Variants in ANXA13 observed in about 807,000 individuals in gnomAD.
ANXA13 encodes the protein annexin A13.
A neutral mutation model predicts 46.6 loss-of-function variants in ANXA13; 36 were observed. The ratio of observed to expected loss-of-function variants is 0.77; its 90% CI spans 0.59 to 1.02. The LOEUF is 1.02. Ranked by LOEUF, ANXA13 falls within the 50% of genes least tolerant of loss-of-function variation. ANXA13 has a pLI of 0.00. For synonymous variants in ANXA13, 163 were observed against 152.9 expected, an observed-to-expected ratio of 1.07 and a Z score of -0.49; for missense variants, 417 against 396.5, an observed-to-expected ratio of 1.05 and a Z score of -0.44.
intron 1 of ANXA13, among the ~76,000 whole-genome samples, chr8:123,713,726 C>G (rs993453121): frequency 9.9e-5 from 15 of 152,180 alleles, no homozygotes; most frequent in African/African-American, 3.6e-4. Flanking sequence ...CACAGTCTCT[C>G]TCTGTCAACC....
chr8:123,704,594 A>G (rs1028673617), intron 2 of ANXA13, among the ~76,000 whole-genome samples: 5 of 152,058 alleles, frequency 3.3e-5, no homozygotes, highest in Admixed American at 3.3e-4. Flanking sequence ...ATGGGGTTTC[A>G]CCATGTTGGT....
intron 9 of ANXA13, among the ~76,000 whole-genome samples, chr8:123,686,239 G>A (rs761745792): frequency 5.3e-4 from 80 of 152,092 alleles, no homozygotes; most frequent in African/African-American, 1.4e-3. Context: ...TTGGGAGGCC[G>A]AGGTGGGTGG....
At position 123,688,941 on chromosome 8, in the gene ANXA13, A is replaced by T; in HGVS notation, c.648T>A (p.Ile216=). The change falls in exon 9 of 11, where the codon ATT becomes ATA. Residue 216 remains isoleucine, a synonymous_variant. Coordinates refer to ENST00000419625, the MANE Select transcript of ANXA13 (RefSeq NM_004306.4). ...CAATGGCTTCTTCTATGTCTTTGCC[A>T]ATGAGCTGCAGCGAAAACCAAAATC... ...RATFQAYQIL[I]GKDIEEAIEE... is the part of the protein sequence containing the mutation. The T allele has an allele frequency of 6.2e-7, 1 of 1,613,680 alleles. No homozygotes were observed. The highest frequency in any genetic ancestry group is 8.5e-7 in the Non-Finnish European group (1 of 1,179,750).
At chr8:123,720,743 A>G (rs554956280) in intron 1 of ANXA13, among the ~76,000 whole-genome samples, 6 of 151,014 alleles carry the variant, frequency 4.0e-5, no homozygotes, top group Admixed American at 3.3e-4. Context: ...AACAAATAAT[A>G]CTTTATATTT....
chr8:123,684,557 G>A, intron 10 of ANXA13, 53 bp downstream of exon 10: 2 of 1,225,426 alleles, frequency 1.6e-6, no homozygotes, highest in Non-Finnish European at 1.2e-6. Flanking sequence ...TGACATCAGT[G>A]GTGGAAAAAA....
chr8:123,715,865 C>T (rs1813750451), intron 1 of ANXA13, among the ~76,000 whole-genome samples: 1 of 152,172 alleles, frequency 6.6e-6, no homozygotes. Context: ...CATCCCCTTC[C>T]CGTTTTAGGG....
chr8:123,699,063 A>G (rs538305525), intron 3 of ANXA13, among the ~76,000 whole-genome samples: 1 of 152,364 alleles, frequency 6.6e-6, no homozygotes, highest in South Asian at 2.1e-4. Flanking sequence ...GAGGATTGTC[A>G]TGGGAAGAAC....
chr8:123,706,261 A>T (rs1217262745), intron 2 of ANXA13, among the ~76,000 whole-genome samples: 3 of 152,120 alleles, frequency 2.0e-5, no homozygotes, highest in African/African-American at 4.8e-5. Context: ...AAAACTTCGG[A>T]GTGTCAGAAA....
chr8:123,725,549 A>G (rs1180421707), intron 1 of ANXA13, among the ~76,000 whole-genome samples: 1 of 152,214 alleles, frequency 6.6e-6, no homozygotes, highest in Non-Finnish European at 1.5e-5. Flanking sequence ...TTCCACAGAC[A>G]TGGTTAGTAG....
chr8:123,694,338 C>T (rs542066332), intron 6 of ANXA13, among the ~76,000 whole-genome samples: 1 of 152,270 alleles, frequency 6.6e-6, no homozygotes, highest in South Asian at 2.1e-4. Context: ...TTCAGGTCTC[C>T]AATCAGCTGA....
intron 1 of ANXA13, chr8:123,735,869 C>A: frequency 6.2e-7 from 1 of 1,605,106 alleles, no homozygotes; most frequent in Non-Finnish European, 8.5e-7. Flanking sequence ...AGAGGGTGTA[C>A]GACTGGCTCT....
chr8:123,693,913 G>A (rs981627800), intron 6 of ANXA13, 134 bp from the exon 7 acceptor site: 1 of 750,600 alleles, frequency 1.3e-6, no homozygotes, highest in Non-Finnish European at 2.3e-6. Context: ...TGGCAAGGAG[G>A]AAACACCTGC....
At chr8:123,714,033 A>T (rs567221391) in intron 1 of ANXA13, among the ~76,000 whole-genome samples, 13 of 152,280 alleles carry the variant, frequency 8.5e-5, no homozygotes, top group Non-Finnish European at 1.8e-4. Flanking sequence ...GGCTGGTTTA[A>T]GTGCTACTGG....
At chr8:123,699,739 G>A (rs751243008) in intron 3 of ANXA13, among the ~76,000 whole-genome samples, 7 of 152,204 alleles carry the variant, frequency 4.6e-5, no homozygotes, top group Non-Finnish European at 1.0e-4. Flanking sequence ...ACAAACTATA[G>A]CATAGGGTGG....
intron 1 of ANXA13, among the ~76,000 whole-genome samples, chr8:123,714,765 C>T (rs1813731288): frequency 6.6e-6 from 1 of 152,188 alleles, no homozygotes; most frequent in South Asian, 2.1e-4. Context: ...TGAAACAAGC[C>T]AGAAAGGGGA....
chr8:123,701,753 C>CT (rs11312821), intron 3 of ANXA13, among the ~76,000 whole-genome samples: 27 of 149,264 alleles, frequency 1.8e-4, no homozygotes, highest in Admixed American at 3.3e-4. Context: ...TCCTGGTTCT[C>CT]TTTTTTTTTT....
At chr8:123,708,146 A>C (rs1039869897) in intron 2 of ANXA13, among the ~76,000 whole-genome samples, 4 of 152,230 alleles carry the variant, frequency 2.6e-5, no homozygotes, top group Non-Finnish European at 5.9e-5. Context: ...CAATGGTTTG[A>C]GGCACCAGGG....
At chr8:123,696,386 G>A (rs910071527) in intron 4 of ANXA13, among the ~76,000 whole-genome samples, 2 of 152,176 alleles carry the variant, frequency 1.3e-5, no homozygotes, top group African/African-American at 2.4e-5. Flanking sequence ...TTCAAACAAG[G>A]CTTCGTTCAG....
intron 3 of ANXA13, among the ~76,000 whole-genome samples, chr8:123,699,537 T>G (rs1028224561): frequency 1.8e-4 from 28 of 152,236 alleles, no homozygotes; most frequent in African/African-American, 6.8e-4. Flanking sequence ...GCACCCTCTT[T>G]TCACAAGAAA....
Sources: allele counts gnomAD v4.1 joint callset (sites outside exome capture counted in the v4.1 genomes callset), GRCh38; gene constraint gnomAD v4.1.1; transcripts MANE v1.5; gene names NCBI Gene and HGNC (gene_info 2026-07-23, HGNC 2026-07-21).